HIVEP3: variants seen among roughly 807,000 people sequenced by gnomAD.
HIVEP3 encodes transcription factor HIVEP3.
In HIVEP3, 49 loss-of-function variants were observed where a neutral mutation model predicts 152.8. That is an observed-to-expected ratio of 0.32 (90% CI 0.26 to 0.41). The LOEUF is 0.41. Ranked by LOEUF, HIVEP3 falls within the 10% of genes least tolerant of loss-of-function variation. The pLI, the probability that HIVEP3 is intolerant of heterozygous loss-of-function variation, is 1.00. For synonymous variants in HIVEP3, 1,269 were observed against 1,289.0 expected, an observed-to-expected ratio of 0.98 and a Z score of 0.33; for missense variants, 2,790 against 3,103.3, an observed-to-expected ratio of 0.90 and a Z score of 2.40.
chr1:41,839,894 A>G (rs1643236649), intron 1 of HIVEP3, among the ~76,000 whole-genome samples: 1 of 152,156 alleles, frequency 6.6e-6, no homozygotes, highest in Non-Finnish European at 1.5e-5. Context: ...TATTCTCAGG[A>G]GGGTTTAGAG....
intron 2 of HIVEP3, among the ~76,000 whole-genome samples, chr1:41,638,287 AGGAAGGAAG>A: frequency 1.6e-5 from 2 of 125,788 alleles, no homozygotes; most frequent in African/African-American, 6.4e-5. Flanking sequence ...AGAAAGAGGA[AGGAAGGAAG>A]GAGAGAGAAA....
At chr1:41,836,881 T>G (rs1643138926) in intron 1 of HIVEP3, among the ~76,000 whole-genome samples, 2 of 152,210 alleles carry the variant, frequency 1.3e-5, no homozygotes, top group African/African-American at 4.8e-5. Context: ...ACAACTATCT[T>G]CTTGCATGAA....
intron 1 of HIVEP3, among the ~76,000 whole-genome samples, chr1:41,930,267 C>T (rs1366796958): frequency 6.6e-6 from 1 of 152,164 alleles, no homozygotes; most frequent in Admixed American, 6.6e-5. Context: ...ACAAAGTTAC[C>T]TCATGTTGCT....
chr1:41,849,682 T>G (rs1166219519), intron 1 of HIVEP3, among the ~76,000 whole-genome samples: 2 of 151,662 alleles, frequency 1.3e-5, no homozygotes. Flanking sequence ...GATCCATCAG[T>G]GGTAGACCCA....
intron 3 of HIVEP3, among the ~76,000 whole-genome samples, chr1:41,623,584 G>A (rs1191142197): frequency 6.6e-6 from 1 of 152,156 alleles, no homozygotes. Context: ...CACCAGGCCT[G>A]GCTCTCTTCC....
chr1:41,788,990 G>A (rs1213431163), intron 1 of HIVEP3, among the ~76,000 whole-genome samples: 5 of 152,260 alleles, frequency 3.3e-5, no homozygotes, highest in Non-Finnish European at 5.9e-5. Context: ...CAGCCATCTC[G>A]CCCCCTGGCT....
chr1:41,795,048 C>G (rs115312995), intron 1 of HIVEP3, among the ~76,000 whole-genome samples: 1 of 152,176 alleles, frequency 6.6e-6, no homozygotes, highest in Admixed American at 6.5e-5. Flanking sequence ...TGTGCTACCA[C>G]GCCCAGGTAA....
At chr1:41,937,819 C>T (rs974722463) in intron 1 of HIVEP3, among the ~76,000 whole-genome samples, 1 of 152,162 alleles carries the variant, frequency 6.6e-6, no homozygotes, top group African/African-American at 2.4e-5. Flanking sequence ...AACTGAGAAT[C>T]CTAACTGGTG....
intron 5 of HIVEP3, chr1:41,543,461 G>A (rs559086140): frequency 6.6e-6 from 1 of 152,342 alleles, no homozygotes; most frequent in East Asian, 1.9e-4. Context: ...GAGATTAAAG[G>A]AGGTGGTAAC....
chr1:41,867,357 TG>T (rs1320783732), intron 1 of HIVEP3, among the ~76,000 whole-genome samples: 20 of 152,208 alleles, frequency 1.3e-4, no homozygotes, highest in Non-Finnish European at 2.6e-4. Flanking sequence ...TCTTTAGAAA[TG>T]TAAGAATCAT....
At position 41,510,896 on chromosome 1, in the gene HIVEP3, T is replaced by G. The variant is rs1644444068; in HGVS notation, c.6776A>C (p.Lys2259Thr). The G allele has an allele frequency of 6.2e-7, 1 of 1,613,364 alleles. No homozygotes were observed. Among genetic ancestry groups the G allele is most frequent in the Non-Finnish European group, 8.5e-7 (1 of 1,179,888 alleles). The change falls in exon 9 of 9, where the codon AAG becomes ACG. Residue 2259 changes from lysine (K) to threonine (T), a missense_variant. Coordinates refer to ENST00000372583, the MANE Select transcript of HIVEP3 (RefSeq NM_024503.5). ...TGAGGAGAGTGTGAATTTGGAGACC[T>G]TAGCCACAGGCGACACGGAGGCTGA... Reference protein sequence around the residue: ...SSSASVSPVAKVSKFTLSSEL... With the variant: ...SSSASVSPVATVSKFTLSSEL...
chr1:41,916,317 G>A (rs1011036248), intron 1 of HIVEP3, among the ~76,000 whole-genome samples: 4 of 152,168 alleles, frequency 2.6e-5, no homozygotes, highest in Non-Finnish European at 5.9e-5. Flanking sequence ...GTAGTAGTTG[G>A]CCCTCAAAGC....
intron 1 of HIVEP3, among the ~76,000 whole-genome samples, chr1:41,710,654 C>T (rs747959468): frequency 2.0e-5 from 3 of 152,162 alleles, no homozygotes; most frequent in African/African-American, 7.2e-5. Flanking sequence ...GCTTCCCTGC[C>T]CTAATACTGT....
At chr1:41,699,923 C>G (rs903604782) in intron 2 of HIVEP3, among the ~76,000 whole-genome samples, 2 of 152,088 alleles carry the variant, frequency 1.3e-5, no homozygotes, top group African/African-American at 2.4e-5. Flanking sequence ...TCCTGCCGCT[C>G]TCTTGGCCTC....
At position 41,957,275 on chromosome 1, in the gene HIVEP3, G is replaced by A. The variant is rs1403104950; in HGVS notation, n.120-38751C>T. On this transcript the variant is annotated intron_variant and non_coding_transcript_variant, in intron 1 of 3. Transcript: ENST00000489103. ...ATAAAACTTCATTTTATCAAATAAA[G>A]TAGAATAAAATCCAAAACTGTTACT... Among the ~76,000 whole-genome samples, 3 of 152,270 alleles carry A rather than the reference G, an allele frequency of 2.0e-5. No homozygotes were observed. The South Asian group carries it at 6.2e-4, about 32-fold the overall frequency.
chr1:42,007,730 G>A (rs1253345638), intron 1 of HIVEP3, among the ~76,000 whole-genome samples: 5 of 152,106 alleles, frequency 3.3e-5, no homozygotes, highest in Non-Finnish European at 5.9e-5. Context: ...CAGCTTTGTC[G>A]GTGCCAATGC....
chr1:41,582,832 C>T lies in HIVEP3; in HGVS notation c.1966G>A (p.Asp656Asn). The T allele has an allele frequency of 6.2e-7, 1 of 1,614,122 alleles. No individual in the cohort carries two copies. Among genetic ancestry groups the T allele is most frequent in the Admixed American group, 1.7e-5 (1 of 60,016 alleles). ...NICGARYKKRDNYEAHKKYYC... is the reference protein window; with the variant it reads ...NICGARYKKRNNYEAHKKYYC... ...TATTTTTTGTGGGCTTCGTAGTTAT[C>T]CCTTTTCTTGTACCGAGCACCACAT... is the stretch of plus-strand genomic sequence containing the variant. The change falls in exon 4 of 9, where the codon GAT becomes AAT. Residue 656 changes from aspartate (D) to asparagine (N), a missense_variant. By Grantham distance (23) the Asp-to-Asn change is conservative. Transcript: ENST00000372583. The surrounding 1 kb of genome is among the most constrained non-coding windows in gnomAD (Gnocchi z 4.7).
At chr1:41,772,888 A>AGAGT (rs1367595877) in intron 1 of HIVEP3, among the ~76,000 whole-genome samples, 4 of 152,224 alleles carry the variant, frequency 2.6e-5, no homozygotes, top group Non-Finnish European at 5.9e-5. Flanking sequence ...CCGGGGTGAC[A>AGAGT]GAGTGAGACT....
At chr1:41,842,802 G>A (rs895897004) in intron 1 of HIVEP3, among the ~76,000 whole-genome samples, 18 of 152,070 alleles carry the variant, frequency 1.2e-4, no homozygotes, top group African/African-American at 2.4e-4. Context: ...TTTGCCCCCC[G>A]CTTCTTGCTA....
Sources: allele counts gnomAD v4.1 joint callset (sites outside exome capture counted in the v4.1 genomes callset), GRCh38; gene constraint gnomAD v4.1.1; non-coding constraint Gnocchi (gnomAD v3.1); transcripts MANE v1.5; gene names NCBI Gene and HGNC (gene_info 2026-07-23, HGNC 2026-07-21).